PTPRN2: variants seen among roughly 807,000 people sequenced by gnomAD.
PTPRN2 encodes the protein receptor-type tyrosine-protein phosphatase N2.
A neutral mutation model predicts 118.8 loss-of-function variants in PTPRN2; 74 were observed. That is an observed-to-expected ratio of 0.62 (90% CI 0.52 to 0.76). PTPRN2 has a LOEUF of 0.76. Among genes scored for constraint, PTPRN2 ranks in the 30% least tolerant of loss-of-function variants. PTPRN2 has a pLI of 0.00. For synonymous variants in PTPRN2, 641 were observed against 608.0 expected, an observed-to-expected ratio of 1.05 and a Z score of -0.80; for missense variants, 1,481 against 1,394.4, an observed-to-expected ratio of 1.06 and a Z score of -0.99.
intron 2 of PTPRN2, among the ~76,000 whole-genome samples, chr7:158,324,038 T>TAC (rs1345754283): frequency 5.7e-5 from 1 of 17,646 alleles, no homozygotes; most frequent in Non-Finnish European, 1.9e-4. Flanking sequence ...CAGGAGCACG[T>TAC]ACACACACAT....
At chr7:157,641,246 GGA>G (rs1804644645) in intron 14 of PTPRN2, among the ~76,000 whole-genome samples, 1 of 152,170 alleles carries the variant, frequency 6.6e-6, no homozygotes, top group African/African-American at 2.4e-5. Flanking sequence ...TAGCCAAGGG[GGA>G]GAGAGGGAAT....
At chr7:158,058,406 T>C (rs1310698002) in intron 11 of PTPRN2, among the ~76,000 whole-genome samples, 8 of 127,296 alleles carry the variant, frequency 6.3e-5, no homozygotes, top group South Asian at 2.7e-4. Flanking sequence ...CGGTGAGACA[T>C]CACTGCAGCC....
intron 2 of PTPRN2, among the ~76,000 whole-genome samples, chr7:158,392,447 G>A (rs992813009): frequency 5.3e-5 from 8 of 152,228 alleles, no homozygotes; most frequent in Non-Finnish European, 7.3e-5. Flanking sequence ...CACACCCAGC[G>A]TTGTCTGGGG....
chr7:157,704,676 T>C (rs982560560), intron 12 of PTPRN2, among the ~76,000 whole-genome samples: 8 of 152,152 alleles, frequency 5.3e-5, no homozygotes, highest in Admixed American at 2.0e-4. Context: ...CAGCACCTCC[T>C]GAGGAAGCCC....
intron 1 of PTPRN2, among the ~76,000 whole-genome samples, chr7:158,540,345 C>T (rs768941892): frequency 3.3e-5 from 5 of 152,314 alleles, no homozygotes; most frequent in Non-Finnish European, 5.9e-5. Flanking sequence ...GCCCCTCCCT[C>T]GGGCCAGAGG....
At chr7:158,279,784 A>G (rs1341262274) in intron 3 of PTPRN2, among the ~76,000 whole-genome samples, 1 of 152,126 alleles carries the variant, frequency 6.6e-6, no homozygotes. Context: ...GGGCCCCCAC[A>G]GTGCAGCAGC....
At chr7:158,530,939 CGTGTGT>C (rs746600684) in intron 1 of PTPRN2, among the ~76,000 whole-genome samples, 2 of 151,994 alleles carry the variant, frequency 1.3e-5, no homozygotes, top group Admixed American at 6.5e-5. Context: ...AAAACATACA[CGTGTGT>C]GTGTGTAAGC....
chr7:157,614,261 G>A lies in PTPRN2; in HGVS notation c.2344+7101C>T, dbSNP rs187370347. ...AGGCTGGTCATGTTCCTACAGCATC[G>A]TGGAGACCTGTACACTCCGGGTTCT... On this transcript the variant is annotated intron_variant, in intron 15 of 22. Coordinates refer to ENST00000389418, the MANE Select transcript of PTPRN2 (RefSeq NM_002847.5). Among the ~76,000 whole-genome samples the A allele has an allele frequency of 4.6e-5, 7 of 152,126 alleles. No homozygotes were observed. In the East Asian group the frequency reaches 1.4e-3, roughly 29 times the overall value.
rs1255596947 is a variant in PTPRN2 at position 157,794,401 on chromosome 7, G to A, written c.1788+104272C>T. Among the ~76,000 whole-genome samples, 1 of 152,208 alleles carries A rather than the reference G, an allele frequency of 6.6e-6. No homozygotes were observed. The highest frequency in any genetic ancestry group is 1.5e-5 in the Non-Finnish European group (1 of 68,050). On this transcript the variant is annotated intron_variant, in intron 12 of 22. Transcript: ENST00000389418. The surrounding 1 kb of genome is among the most constrained non-coding windows in gnomAD (Gnocchi z 5.2). ...CCTACGGGCACTCGGGCAGTGCGGT[G>A]ACCAATTATAGCGTCGACGATGGCA...
chr7:157,654,926 A>T (rs1315080337), intron 14 of PTPRN2, among the ~76,000 whole-genome samples: 3 of 152,198 alleles, frequency 2.0e-5, no homozygotes, highest in Non-Finnish European at 2.9e-5. Context: ...TCTCATCACA[A>T]ATATGAACTC....
intron 1 of PTPRN2, among the ~76,000 whole-genome samples, chr7:158,554,872 G>A (rs962962015): frequency 2.6e-5 from 4 of 152,154 alleles, no homozygotes; most frequent in African/African-American, 9.7e-5. Context: ...CCCTCTATAT[G>A]ATGGGGTTTT....
chr7:158,510,426 A>G (rs1016184035), intron 1 of PTPRN2, among the ~76,000 whole-genome samples: 5 of 140,210 alleles, frequency 3.6e-5, no homozygotes, highest in Non-Finnish European at 6.1e-5. Context: ...CCTCATTCAC[A>G]CTAAGTGTGT....
chr7:157,901,328 G>A (rs370748273), intron 11 of PTPRN2, among the ~76,000 whole-genome samples: 115 of 151,790 alleles, frequency 7.6e-4, no homozygotes, highest in African/African-American at 2.5e-3. Context: ...TGGCGGGGCC[G>A]AACCAACCAG....
chr7:157,995,321 A>G (rs1007154495), intron 11 of PTPRN2, among the ~76,000 whole-genome samples: 2 of 149,084 alleles, frequency 1.3e-5, no homozygotes, highest in Non-Finnish European at 2.9e-5. Flanking sequence ...TTGTTCCTAA[A>G]TCAATGCCAC....
chr7:158,455,728 T>C (rs868769916), intron 2 of PTPRN2, among the ~76,000 whole-genome samples: 95 of 99,936 alleles, frequency 9.5e-4, no homozygotes, highest in Middle Eastern at 7.7e-3. Flanking sequence ...CCATCGGCCA[T>C]GGCCACCCAT....
intron 12 of PTPRN2, among the ~76,000 whole-genome samples, chr7:157,731,247 G>C (rs1799881631): frequency 6.6e-6 from 1 of 152,138 alleles, no homozygotes; most frequent in South Asian, 2.1e-4. Flanking sequence ...TTCCGAGGAA[G>C]GTAATCGAGG....
chr7:157,762,745 A>G (rs1025802904), intron 12 of PTPRN2, among the ~76,000 whole-genome samples: 3 of 151,934 alleles, frequency 2.0e-5, no homozygotes, highest in African/African-American at 7.2e-5. Context: ...AAAGTATAAT[A>G]ATAAAAAAAA....
intron 3 of PTPRN2, among the ~76,000 whole-genome samples, chr7:158,264,665 C>A (rs766411705): frequency 2.0e-5 from 3 of 152,152 alleles, no homozygotes; most frequent in Admixed American, 6.5e-5. Flanking sequence ...CTTGCGGGGA[C>A]CAAAGGCCGG....
At chr7:158,161,288 C>A (rs558288832) in intron 6 of PTPRN2, among the ~76,000 whole-genome samples, 1 of 152,124 alleles carries the variant, frequency 6.6e-6, no homozygotes, top group African/African-American at 2.4e-5. Flanking sequence ...AGAACAAAGG[C>A]GGAGGACAAC....
Sources: allele counts gnomAD v4.1 joint callset (sites outside exome capture counted in the v4.1 genomes callset), GRCh38; gene constraint gnomAD v4.1.1; non-coding constraint Gnocchi (gnomAD v3.1); transcripts MANE v1.5; gene names NCBI Gene and HGNC (gene_info 2026-07-23, HGNC 2026-07-21).